Variants in RFX3 observed in about 807,000 individuals in gnomAD.
The protein encoded by RFX3 is transcription factor RFX3.
A neutral mutation model predicts 98.6 loss-of-function variants in RFX3; 14 were observed. That is an observed-to-expected ratio of 0.14 (90% CI 0.09 to 0.22). The LOEUF is 0.22. RFX3 is among the 10% of genes least tolerant of loss of function. The pLI, the probability that RFX3 is intolerant of heterozygous loss-of-function variation, is 1.00. For synonymous variants in RFX3, 383 were observed against 328.4 expected (o/e 1.17, Z -1.80); for missense variants, 639 against 926.9 (o/e 0.69, Z 4.03).
chr9:3,480,972 T>C (rs1849709109), intron 1 of RFX3, among the ~76,000 whole-genome samples: 1 of 152,148 alleles, frequency 6.6e-6, no homozygotes, highest in Non-Finnish European at 1.5e-5. Flanking sequence ...AATTACCCTA[T>C]ATGCTAAATG....
At chr9:3,515,420 A>T (rs1208873906) in intron 1 of RFX3, among the ~76,000 whole-genome samples, 1 of 152,210 alleles carries the variant, frequency 6.6e-6, no homozygotes, top group African/African-American at 2.4e-5. Flanking sequence ...GTAAGGAAAG[A>T]AATCTGGAAG....
chr9:3,238,056 C>T (rs1305166448), intron 15 of RFX3, among the ~76,000 whole-genome samples: 1 of 151,976 alleles, frequency 6.6e-6, no homozygotes, highest in African/African-American at 2.4e-5. Context: ...ACAGACAGTT[C>T]ACAACGTGAG....
Position 3,471,775 on chromosome 9 carries a change from C to A in RFX3, c.-9+53972G>T, listed in dbSNP as rs575861080. Among the ~76,000 whole-genome samples, 12 of 152,344 alleles carry A rather than the reference C, an allele frequency of 7.9e-5. No homozygotes were observed. In the East Asian group the frequency reaches 2.1e-3, roughly 27 times the overall value. On this transcript the variant is annotated intron_variant, in intron 1 of 16. Transcript: ENST00000617270. ...TTTGGGAGTTTGTTGAATTATAAAT[C>A]AGCCTTCTCCTTACATCCAATTTAT...
chr9:3,236,383 T>G (rs1819151972), intron 15 of RFX3, among the ~76,000 whole-genome samples: 1 of 152,076 alleles, frequency 6.6e-6, no homozygotes, highest in African/African-American at 2.4e-5. Context: ...GAAACCAAAA[T>G]ATACTGAGGG....
chr9:3,297,771 T>C (rs991147356), intron 5 of RFX3, among the ~76,000 whole-genome samples: 2 of 151,906 alleles, frequency 1.3e-5, no homozygotes, highest in Non-Finnish European at 1.5e-5. Flanking sequence ...ATTTGCTAGA[T>C]TGTGAGAAGT....
intron 14 of RFX3, among the ~76,000 whole-genome samples, chr9:3,255,820 C>T (rs552481026): frequency 3.5e-4 from 54 of 152,186 alleles, no homozygotes; most frequent in African/African-American, 1.3e-3. Flanking sequence ...CAAAAATACA[C>T]GTTTCTATCT....
intron 1 of RFX3, among the ~76,000 whole-genome samples, chr9:3,522,557 G>C (rs915875281): frequency 6.0e-5 from 4 of 67,078 alleles, no homozygotes; most frequent in African/African-American, 3.9e-4. Context: ...GTGTGTGTGC[G>C]TGTGTGTGTG....
chr9:3,307,293 C>G (rs955600408), intron 4 of RFX3, among the ~76,000 whole-genome samples: 14 of 152,110 alleles, frequency 9.2e-5, no homozygotes, highest in Non-Finnish European at 2.9e-5. Flanking sequence ...TAAATATATA[C>G]AGACTGCAAC....
chr9:3,260,072 T>C (rs2131168350), intron 13 of RFX3, among the ~76,000 whole-genome samples: 1 of 151,710 alleles, frequency 6.6e-6, no homozygotes, highest in African/African-American at 2.4e-5. Flanking sequence ...GAAATAAGGG[T>C]GTTAAAGAGG....
chr9:3,424,889 T>G (rs1271695483), intron 1 of RFX3, among the ~76,000 whole-genome samples: 1 of 152,064 alleles, frequency 6.6e-6, no homozygotes, highest in African/African-American at 2.4e-5. Context: ...CAAGTGGCGA[T>G]GAGAGTTTAG....
intron 2 of RFX3, among the ~76,000 whole-genome samples, chr9:3,370,609 CTTAAT>C (rs1564001060): frequency 6.6e-6 from 1 of 151,948 alleles, no homozygotes; most frequent in Non-Finnish European, 1.5e-5. Context: ...ATAAAAATGC[CTTAAT>C]TTAAGTGTGG....
intron 5 of RFX3, among the ~76,000 whole-genome samples, chr9:3,296,509 T>C (rs1351076381): frequency 6.6e-6 from 1 of 152,098 alleles, no homozygotes; most frequent in Non-Finnish European, 1.5e-5. Context: ...ATTCTTCATT[T>C]CTAAACTAGT....
chr9:3,276,185 C>T (rs1483106001), intron 8 of RFX3, among the ~76,000 whole-genome samples: 2 of 152,118 alleles, frequency 1.3e-5, no homozygotes, highest in South Asian at 2.1e-4. Flanking sequence ...TCTTTTGGGT[C>T]TGACAGATCT....
rs150801345 is a variant in RFX3 at position 3,522,634 on chromosome 9, A to AACAC, written c.-9+3109_-9+3112dup. Among the ~76,000 whole-genome samples the AACAC allele has an allele frequency of 8.1e-5, 12 of 148,436 alleles. 1 individual carries two copies. Among genetic ancestry groups the AACAC allele is most frequent in the African/African-American group, 2.0e-4 (8 of 40,588 alleles). On this transcript the variant is annotated intron_variant, in intron 1 of 16. Transcript: ENST00000617270. ...TGCTATGCCCACCCATTTAAACACAAACACACACACACACACAGACTTTAA... is the reference window on the plus strand; with the variant it reads ...TGCTATGCCCACCCATTTAAACACAAACACACACACACACACACACAGACTTTAA...
intron 4 of RFX3, among the ~76,000 whole-genome samples, chr9:3,310,792 T>C (rs1228121003): frequency 3.3e-5 from 5 of 152,170 alleles, no homozygotes; most frequent in Admixed American, 6.5e-5. Flanking sequence ...TTCAACATCA[T>C]TGCCATCATA....
At chr9:3,382,191 T>G (rs1281445438) in intron 2 of RFX3, among the ~76,000 whole-genome samples, 1 of 152,128 alleles carries the variant, frequency 6.6e-6, no homozygotes, top group Non-Finnish European at 1.5e-5. Context: ...GCCACCACAC[T>G]TGGCCTGAGG....
chr9:3,483,225 G>C (rs957573159), intron 1 of RFX3, among the ~76,000 whole-genome samples: 1 of 152,010 alleles, frequency 6.6e-6, no homozygotes, highest in Admixed American at 6.6e-5. Flanking sequence ...AAATGTTTAG[G>C]GTCATTTTAG....
intron 3 of RFX3, among the ~76,000 whole-genome samples, chr9:3,342,602 T>G (rs943376174): frequency 6.6e-6 from 1 of 152,030 alleles, no homozygotes; most frequent in African/African-American, 2.4e-5. Context: ...TCGACTAGCA[T>G]GATGTAGGAG....
chr9:3,287,476 C>A (rs1826773307), intron 7 of RFX3, among the ~76,000 whole-genome samples: 1 of 151,962 alleles, frequency 6.6e-6, no homozygotes, highest in South Asian at 2.1e-4. Context: ...TTGTGCAAAT[C>A]ATTTAACCTC....
Sources: allele counts gnomAD v4.1 joint callset (sites outside exome capture counted in the v4.1 genomes callset), GRCh38; gene constraint gnomAD v4.1.1; transcripts MANE v1.5; gene names NCBI Gene and HGNC (gene_info 2026-07-23, HGNC 2026-07-21).